Variants in PCDHGA3 observed in about 807,000 individuals in gnomAD.
PCDHGA3 encodes the protein protocadherin gamma-A3.
Under a neutral mutation model 58.5 loss-of-function variants are expected in PCDHGA3, and 40 were observed. The ratio of observed to expected loss-of-function variants is 0.68; its 90% CI spans 0.53 to 0.89. The LOEUF is 0.89. Ranked by LOEUF, PCDHGA3 falls within the 40% of genes least tolerant of loss-of-function variation. The pLI, the probability that PCDHGA3 is intolerant of heterozygous loss-of-function variation, is 0.00. For synonymous variants in PCDHGA3, 530 were observed against 525.7 expected, an observed-to-expected ratio of 1.01 and a Z score of -0.11; for missense variants, 1,223 against 1,195.9, an observed-to-expected ratio of 1.02 and a Z score of -0.33.
At position 141,485,379 on chromosome 5, in the gene PCDHGA3, A is replaced by G. The variant is rs749607481; in HGVS notation, c.2425-9428A>G. 12 of 1,613,934 alleles carry G rather than the reference A, an allele frequency of 7.4e-6. No homozygotes were observed. In the Admixed American group the frequency reaches 1.8e-4, roughly 25 times the overall value. The stretch of plus-strand genomic sequence containing the variant: ...GCTCGCAGGCTGCAGGTCGCTGGAG[A>G]GGTGAACCAAAGACACTTCCGTGTG... On this transcript the variant is annotated intron_variant, in intron 1 of 3. Coordinates refer to ENST00000253812, the MANE Select transcript of PCDHGA3 (RefSeq NM_018916.4). This position sits in a 1 kb window ranked among gnomAD's most constrained non-coding sequence, Gnocchi z 5.7.
chr5:141,370,525 G>A, intron 1 of PCDHGA3: 2 of 1,613,874 alleles, frequency 1.2e-6, no homozygotes, highest in South Asian at 1.1e-5. Context: ...CTGGACAGGG[G>A]CTCGCTGGTA....
At chr5:141,422,576 C>T in intron 1 of PCDHGA3, 1 of 1,614,034 alleles carries the variant, frequency 6.2e-7, no homozygotes, top group South Asian at 1.1e-5. Context: ...AACGATAACC[C>T]TCCCGTTTTT....
chr5:141,354,163 CACTAA>C (rs1183313451), intron 1 of PCDHGA3, among the ~76,000 whole-genome samples: 4 of 152,148 alleles, frequency 2.6e-5, no homozygotes, highest in Non-Finnish European at 5.9e-5. Flanking sequence ...GTGAAAAAAT[CACTAA>C]ACTATTATCT....
intron 3 of PCDHGA3, among the ~76,000 whole-genome samples, chr5:141,509,504 C>T (rs534951697): frequency 4.7e-4 from 72 of 152,246 alleles, no homozygotes; most frequent in Non-Finnish European, 8.4e-4. Flanking sequence ...CTGGATGTGA[C>T]GGTGTTGATG....
rs372827164 is a variant in PCDHGA3, at chr5:141,394,334, C to T, written c.2424+47877C>T. On this transcript the variant is annotated intron_variant, in intron 1 of 3. Coordinates refer to ENST00000253812, the MANE Select transcript of PCDHGA3 (RefSeq NM_018916.4). The stretch of plus-strand genomic sequence containing the variant: ...CGCCCCTGTCCTCGTATATCTCCAT[C>T]AACTCTGACACCGGTGTCCTGTATG... The T allele has an allele frequency of 1.2e-3, 1,991 of 1,614,118 alleles. 3 individuals carry two copies. The highest frequency in any genetic ancestry group is 1.6e-3 in the Non-Finnish European group (1,898 of 1,179,978).
At chr5:141,404,492 C>T (rs770295078) in intron 1 of PCDHGA3, 1 of 1,613,668 alleles carries the variant, frequency 6.2e-7, no homozygotes, top group African/African-American at 1.3e-5. Context: ...CACTGGTGTG[C>T]TGTATGCTCT....
chr5:141,373,326 G>A (rs1419997594), intron 1 of PCDHGA3, among the ~76,000 whole-genome samples: 3 of 152,172 alleles, frequency 2.0e-5, no homozygotes, highest in East Asian at 3.8e-4. Context: ...AGAAATAATG[G>A]CATCTAAAAT....
chr5:141,364,611 A>C, intron 1 of PCDHGA3: 1 of 1,614,182 alleles, frequency 6.2e-7, no homozygotes, highest in African/African-American at 1.3e-5. Context: ...GACCGGGAGG[A>C]GCTCTGCGCT....
Position 141,491,045 on chromosome 5 carries a change from A to G in PCDHGA3, c.2425-3762A>G, listed in dbSNP as rs1452139285. 2 of 1,613,970 alleles carry G rather than the reference A, an allele frequency of 1.2e-6. No individual in the cohort carries two copies. The highest frequency in any genetic ancestry group is 1.1e-5 in the South Asian group (1 of 91,090). On this transcript the variant is annotated intron_variant, in intron 1 of 3. Coordinates refer to ENST00000253812, the MANE Select transcript of PCDHGA3 (RefSeq NM_018916.4). This position sits in a 1 kb window ranked among gnomAD's most constrained non-coding sequence, Gnocchi z 6.9. ...GCCGTGGATGCTGATGCAGGCCACA[A>G]TGCGTGGCTCTCCTACTCACTGTTG...
chr5:141,352,213 C>T lies in PCDHGA3; in HGVS notation c.2424+5756C>T, dbSNP rs772410475. 7.4e-6 allele frequency: 12 copies of T among 1,614,056 alleles called. No homozygotes were observed. The Middle Eastern group carries it at 5.0e-4, about 67-fold the overall frequency. On this transcript the variant is annotated intron_variant, in intron 1 of 3. Coordinates refer to ENST00000253812, the MANE Select transcript of PCDHGA3 (RefSeq NM_018916.4). ...GTGATGGAGGACAGCCGCCACTCTC[C>T]GCCACCGCCACGCTGCACCTAATCT...
chr5:141,490,618 A>G lies in PCDHGA3; in HGVS notation c.2425-4189A>G, dbSNP rs1463273520. On this transcript the variant is annotated intron_variant, in intron 1 of 3. Transcript: ENST00000253812. The surrounding 1 kb of genome is among the most constrained non-coding windows in gnomAD (Gnocchi z 5.4). ...ACCCCGCTTCAACCAGCAGCTTTAC[A>G]CTGCTTACATCCTAGAAAACCGGCC... 4.3e-6 allele frequency: 7 copies of G among 1,613,986 alleles called. No homozygotes were observed. Among genetic ancestry groups the G allele is most frequent in the Admixed American group, 1.7e-5 (1 of 59,996 alleles).
intron 1 of PCDHGA3, chr5:141,361,644 C>T (rs1762109660): frequency 6.2e-7 from 1 of 1,613,846 alleles, no homozygotes; most frequent in Non-Finnish European, 8.5e-7. Context: ...AGATTTTATC[C>T]TACGTGTCCG....
At chr5:141,408,763 T>C in intron 1 of PCDHGA3, 1 of 1,611,150 alleles carries the variant, frequency 6.2e-7, no homozygotes. Context: ...TTAATTCCGA[T>C]GGTGGCAAAT....
chr5:141,348,069 C>T (rs1333881100), intron 1 of PCDHGA3, among the ~76,000 whole-genome samples: 1 of 152,190 alleles, frequency 6.6e-6, no homozygotes, highest in Non-Finnish European at 1.5e-5. Flanking sequence ...TCATGTTCTA[C>T]AACTTTCTTG....
chr5:141,450,413 T>G (rs549247554), intron 1 of PCDHGA3, among the ~76,000 whole-genome samples: 1 of 152,334 alleles, frequency 6.6e-6, no homozygotes, highest in African/African-American at 2.4e-5. Context: ...GCCATTTGTC[T>G]TGTATAATGC....
intron 1 of PCDHGA3, chr5:141,423,126 G>T (rs1397550571): frequency 6.2e-7 from 1 of 1,613,622 alleles, no homozygotes; most frequent in Non-Finnish European, 8.5e-7. Context: ...CGCGGGCACT[G>T]CTGGACAGAG....
chr5:141,355,737 C>T, intron 1 of PCDHGA3: 1 of 1,613,966 alleles, frequency 6.2e-7, no homozygotes, highest in Non-Finnish European at 8.5e-7. Flanking sequence ...GTTACTTTTC[C>T]CTGGACGTGC....
intron 2 of PCDHGA3, among the ~76,000 whole-genome samples, chr5:141,502,705 T>C (rs1475675789): frequency 6.6e-6 from 1 of 152,248 alleles, no homozygotes; most frequent in African/African-American, 2.4e-5. Context: ...TATCTGTTTT[T>C]ACATCAGTGA....
intron 1 of PCDHGA3, among the ~76,000 whole-genome samples, chr5:141,450,666 T>G (rs1434496607): frequency 6.6e-6 from 1 of 151,890 alleles, no homozygotes; most frequent in African/African-American, 2.4e-5. Context: ...TTTGTACTTT[T>G]AGTAGAAACG....
Sources: allele counts gnomAD v4.1 joint callset (sites outside exome capture counted in the v4.1 genomes callset), GRCh38; gene constraint gnomAD v4.1.1; non-coding constraint Gnocchi (gnomAD v3.1); transcripts MANE v1.5; gene names NCBI Gene and HGNC (gene_info 2026-07-23, HGNC 2026-07-21).